The following SERTM1 variants were observed in gnomAD, a reference collection of about 807,000 sequenced individuals.
The protein encoded by SERTM1 is serine-rich and transmembrane domain-containing protein 1.
Under a neutral mutation model 5.5 loss-of-function variants are expected in SERTM1, and 1 was observed. That is an observed-to-expected ratio of 0.18 (90% confidence interval 0.06 to 0.86). The LOEUF (loss-of-function observed/expected upper bound fraction) is 0.86. Among genes scored for constraint, SERTM1 ranks in the 40% least tolerant of loss-of-function variants. The pLI is 0.69. For missense variants in SERTM1, 91 were observed against 122.4 expected (o/e 0.74, Z 1.21); for synonymous variants, 52 against 55.1 (o/e 0.94, Z 0.25).
intron 1 of SERTM1, among the ~76,000 whole-genome samples, chr13:36,686,185 T>C (rs1463694187): frequency 6.6e-6 from 1 of 152,182 alleles, no homozygotes; most frequent in East Asian, 1.9e-4. Context: ...ACAGGCACAG[T>C]TTCCTGGTCA....
intron 1 of SERTM1, among the ~76,000 whole-genome samples, chr13:36,677,544 A>T (rs1283596223): frequency 6.6e-6 from 1 of 152,242 alleles, no homozygotes; most frequent in East Asian, 1.9e-4. Flanking sequence ...TCACTTAAGA[A>T]GGTAACAGAC....
At chr13:36,689,500 G>A (rs1228730951) in intron 1 of SERTM1, among the ~76,000 whole-genome samples, 2 of 121,044 alleles carry the variant, frequency 1.7e-5, no homozygotes, top group African/African-American at 6.2e-5. Context: ...GTGAGACTCT[G>A]TCTCAAAATA....
intron 1 of SERTM1, among the ~76,000 whole-genome samples, chr13:36,676,913 T>C (rs1221813283): frequency 6.6e-6 from 1 of 152,306 alleles, no homozygotes; most frequent in East Asian, 1.9e-4. Context: ...TTAGCCAACA[T>C]GTGTGCCTAG....
intron 1 of SERTM1, among the ~76,000 whole-genome samples, chr13:36,683,681 A>C (rs1320156494): frequency 2.0e-5 from 3 of 152,166 alleles, no homozygotes; most frequent in African/African-American, 7.2e-5. Flanking sequence ...GAGGTGTGGC[A>C]AGTCTCACAC....
At chr13:36,678,695 A>ATATATAT (rs1395603891) in intron 1 of SERTM1, among the ~76,000 whole-genome samples, 11 of 147,494 alleles carry the variant, frequency 7.5e-5, no homozygotes, top group African/African-American at 1.2e-4. Context: ...ATATATATAT[A>ATATATAT]AAATATAGTC....
chr13:36,695,274 C>A lies in SERTM1; in HGVS notation c.196C>A (p.Leu66Ile). Residue 66 changes from leucine (L) to isoleucine (I), a missense_variant, in exon 2 of 2, where the codon CTC (leucine) becomes ATC (isoleucine). Transcript: ENST00000315190. ...LLLLIIALQR[L>I]KNIISSSSSY... ...GCTTTTAATCATTGCCCTCCAGAGG[C>A]TCAAAAATATCATCTCCTCCAGTTC... The A allele has an allele frequency of 1.2e-6, 2 of 1,614,142 alleles. No individual in the cohort carries two copies. Among genetic ancestry groups the A allele is most frequent in the South Asian group, 1.1e-5 (1 of 91,090 alleles).
At chr13:36,674,696 C>T (rs2056659013) in intron 1 of SERTM1, among the ~76,000 whole-genome samples, 1 of 152,114 alleles carries the variant, frequency 6.6e-6, no homozygotes, top group African/African-American at 2.4e-5. Flanking sequence ...ATTTGCGTCC[C>T]TTCTCGGGAA....
intron 1 of SERTM1, among the ~76,000 whole-genome samples, chr13:36,679,243 T>C (rs2138084537): frequency 6.6e-6 from 1 of 152,230 alleles, no homozygotes; most frequent in East Asian, 1.9e-4. Flanking sequence ...ATTGGCATGA[T>C]GCCACAGTGC....
chr13:36,695,255 A>G lies in SERTM1; in HGVS notation c.177A>G (p.Leu59=), dbSNP rs1163000086. The change falls in exon 2 of 2, where the codon TTA becomes TTG. Residue 59 remains leucine (L), a synonymous_variant. Coordinates refer to ENST00000315190, the MANE Select transcript of SERTM1 (RefSeq NM_203451.3). ...LSLLAFLLLL[L]IIALQRLKNI... ...TTTTAGCGTTTCTGCTTCTGCTTTT[A>G]ATCATTGCCCTCCAGAGGCTCAAAA... 2 of 1,614,122 alleles carry G rather than the reference A, an allele frequency of 1.2e-6. No homozygotes were observed. Among genetic ancestry groups the G allele is most frequent in the Non-Finnish European group, 1.7e-6 (2 of 1,180,026 alleles).
chr13:36,689,932 G>A (rs985921193), intron 1 of SERTM1, among the ~76,000 whole-genome samples: 12 of 152,148 alleles, frequency 7.9e-5, no homozygotes, highest in Admixed American at 3.3e-4. Context: ...AGACTGGGCC[G>A]AACCCAAAGC....
In SERTM1 at chr13:36,675,559, G is replaced by T. The variant is rs144950546; in HGVS notation, c.-174+1375G>T. On this transcript the variant is annotated intron_variant, in intron 1 of 1. Coordinates refer to ENST00000315190, the MANE Select transcript of SERTM1 (RefSeq NM_203451.3). ...TTTGCTGAATTATACAACTAGTCTG[G>T]GTGTCTCAGCTTATTTGTGATCATG... is the stretch of plus-strand genomic sequence containing the variant. Among the ~76,000 whole-genome samples, 11 of 152,224 alleles carry T rather than the reference G, an allele frequency of 7.2e-5. No homozygotes were observed. The East Asian group carries it at 2.1e-3, about 29-fold the overall frequency.
intron 1 of SERTM1, among the ~76,000 whole-genome samples, chr13:36,681,492 TG>T (rs2138086343): frequency 6.6e-6 from 1 of 152,372 alleles, no homozygotes; most frequent in East Asian, 1.9e-4. Flanking sequence ...AAGCTGTTTT[TG>T]TTTCATTTTG....
intron 1 of SERTM1, among the ~76,000 whole-genome samples, chr13:36,677,133 T>C (rs1478761107): frequency 1.3e-5 from 2 of 152,134 alleles, no homozygotes; most frequent in African/African-American, 2.4e-5. Flanking sequence ...TCATGCTCAG[T>C]CTCATGACAT....
chr13:36,689,947 T>C (rs756618494), intron 1 of SERTM1, among the ~76,000 whole-genome samples: 14 of 152,144 alleles, frequency 9.2e-5, no homozygotes, highest in Non-Finnish European at 1.9e-4. Context: ...CAAAGCAACC[T>C]AATGGCCTGC....
rs2056654950 is a variant in SERTM1, at chr13:36,674,114, T to C, written c.-244T>C. 2 of 152,182 alleles carry C rather than the reference T, an allele frequency of 1.3e-5. No homozygotes were observed. Among genetic ancestry groups the C allele is most frequent in the Non-Finnish European group, 2.9e-5 (2 of 68,060 alleles). 9.4% of individuals were successfully genotyped at this position (152,182 alleles called of 1,614,324 possible). A position where few individuals can be genotyped will look rare whatever the true frequency, so the allele number is the denominator to read the frequency against. ...AGGACGGCTTCGCGGGCGCGTATCG[T>C]CCAGACCGGAGCACCGCCCCACCGC... On this transcript the variant is annotated 5_prime_UTR_variant, in exon 1 of 2. Transcript: ENST00000315190.
chr13:36,683,569 G>A (rs2056719945), intron 1 of SERTM1, among the ~76,000 whole-genome samples: 3 of 152,248 alleles, frequency 2.0e-5, no homozygotes, highest in African/African-American at 7.2e-5. Context: ...TGTCAATGGG[G>A]CCAGCAAGGG....
intron 1 of SERTM1, among the ~76,000 whole-genome samples, chr13:36,687,417 A>AT (rs1409566576): frequency 6.6e-6 from 1 of 151,954 alleles, no homozygotes; most frequent in Non-Finnish European, 1.5e-5. Context: ...TAATGCTGAA[A>AT]TTTTTTTTCA....
At chr13:36,690,211 G>A (rs905894726) in intron 1 of SERTM1, among the ~76,000 whole-genome samples, 2 of 152,136 alleles carry the variant, frequency 1.3e-5, no homozygotes, top group African/African-American at 2.4e-5. Flanking sequence ...CTCAATGTGC[G>A]ATAGCAGATA....
intron 1 of SERTM1, among the ~76,000 whole-genome samples, chr13:36,692,807 A>T (rs772976265): frequency 6.6e-6 from 1 of 152,236 alleles, no homozygotes; most frequent in Non-Finnish European, 1.5e-5. Context: ...ACCACAGTTG[A>T]GAAAACCAAG....
Sources: allele counts gnomAD v4.1 joint callset (sites outside exome capture counted in the v4.1 genomes callset), GRCh38; gene constraint gnomAD v4.1.1; transcripts MANE v1.5; gene names NCBI Gene and HGNC (gene_info 2026-07-23, HGNC 2026-07-21).